ATP10A: variants seen among roughly 807,000 people sequenced by gnomAD.
ATP10A encodes phospholipid-transporting ATPase VA.
ATP10A carries 111 observed loss-of-function variants against 147.8 expected under a neutral mutation model. That is an observed-to-expected ratio of 0.75 (90% CI 0.64 to 0.88). The LOEUF (loss-of-function observed/expected upper bound fraction) is 0.88. ATP10A is among the 40% of genes least tolerant of loss of function. ATP10A has a pLI of 0.00. For synonymous variants in ATP10A, 875 were observed against 841.6 expected (o/e 1.04, Z -0.69); for missense variants, 1,927 against 1,959.0 (o/e 0.98, Z 0.31).
chr15:25,692,499 C>A (rs1900089818), intron 14 of ATP10A, among the ~76,000 whole-genome samples: 1 of 152,162 alleles, frequency 6.6e-6, no homozygotes, highest in African/African-American at 2.4e-5. Context: ...CCAAGTTGCA[C>A]AAATGAGAAA....
chr15:25,754,120 G>C (rs1405429345), intron 2 of ATP10A, among the ~76,000 whole-genome samples: 2 of 151,852 alleles, frequency 1.3e-5, no homozygotes, highest in Non-Finnish European at 2.9e-5. Flanking sequence ...TTTTTATTTT[G>C]TTTGTTTGTT....
At chr15:25,770,269 C>T (rs555641787) in intron 2 of ATP10A, among the ~76,000 whole-genome samples, 6 of 152,280 alleles carry the variant, frequency 3.9e-5, no homozygotes, top group Admixed American at 2.6e-4. Context: ...AGTTGGGGAT[C>T]GGCCCAGCCC....
intron 1 of ATP10A, among the ~76,000 whole-genome samples, chr15:25,786,656 C>T (rs1377786926): frequency 4.0e-5 from 5 of 123,496 alleles, no homozygotes; most frequent in Admixed American, 1.0e-4. Context: ...GGCGGAGTCT[C>T]GCTCCATCCC....
chr15:25,769,719 A>G (rs1321308386), intron 2 of ATP10A, among the ~76,000 whole-genome samples: 1 of 152,142 alleles, frequency 6.6e-6, no homozygotes, highest in Non-Finnish European at 1.5e-5. Flanking sequence ...TGAGGTGATC[A>G]GCATGGTGAT....
chr15:25,674,477 C>A (rs1451204886), downstream of ATP10A, among the ~76,000 whole-genome samples: 2 of 152,134 alleles, frequency 1.3e-5, no homozygotes, highest in African/African-American at 2.4e-5. Flanking sequence ...GGATCCCCTT[C>A]TTTGTTTTAT....
chr15:25,699,583 A>G (rs181141848), intron 13 of ATP10A, among the ~76,000 whole-genome samples: 96 of 152,298 alleles, frequency 6.3e-4, no homozygotes, highest in Middle Eastern at 3.4e-3. Context: ...AAAATGACCA[A>G]TCAGACCAGG....
At chr15:25,710,972 C>A (rs1203979484) in intron 10 of ATP10A, 1 of 152,152 alleles carries the variant, frequency 6.6e-6, no homozygotes, top group Non-Finnish European at 1.5e-5. Context: ...GTGGGGACTT[C>A]CCGTGAGAGG....
intron 1 of ATP10A, among the ~76,000 whole-genome samples, chr15:25,811,021 G>A (rs1891406175): frequency 1.3e-5 from 2 of 152,150 alleles, no homozygotes; most frequent in African/African-American, 2.4e-5. Context: ...GTTACATGGC[G>A]GGGTCTCCCC....
chr15:25,685,231 T>A (rs899077020), intron 16 of ATP10A, among the ~76,000 whole-genome samples: 3 of 152,206 alleles, frequency 2.0e-5, no homozygotes, highest in Non-Finnish European at 1.5e-5. Flanking sequence ...AATTTCTCAT[T>A]TCAGGAGGCA....
chr15:25,821,153 G>A (rs1022354554), intron 1 of ATP10A, among the ~76,000 whole-genome samples: 10 of 152,252 alleles, frequency 6.6e-5, no homozygotes, highest in South Asian at 6.2e-4. Context: ...CAATCCCAGC[G>A]TGCTTGGAAG....
chr15:25,705,183 G>A (rs752291804), intron 12 of ATP10A, among the ~76,000 whole-genome samples: 5 of 152,170 alleles, frequency 3.3e-5, no homozygotes, highest in Non-Finnish European at 7.4e-5. Context: ...GCACACGCCT[G>A]TAATCCCAGC....
chr15:25,784,287 C>G (rs752504620), intron 1 of ATP10A, among the ~76,000 whole-genome samples: 1 of 152,130 alleles, frequency 6.6e-6, no homozygotes, highest in Admixed American at 6.5e-5. Context: ...CCCAGGAGAC[C>G]GGGCAGTCCT....
intron 1 of ATP10A, among the ~76,000 whole-genome samples, chr15:25,848,579 CCA>C (rs1893139060): frequency 6.6e-6 from 1 of 152,014 alleles, no homozygotes; most frequent in South Asian, 2.1e-4. Flanking sequence ...TAGAGGCCGC[CCA>C]CACTCCTTGA....
chr15:25,705,851 G>A (rs898525807), intron 12 of ATP10A, among the ~76,000 whole-genome samples: 3 of 152,210 alleles, frequency 2.0e-5, no homozygotes, highest in African/African-American at 4.8e-5. Context: ...GTATCCATGA[G>A]CTCTGCCAGG....
intron 1 of ATP10A, chr15:25,862,261 G>A (rs1893794080): frequency 8.3e-6 from 4 of 481,330 alleles, no homozygotes; most frequent in Non-Finnish European, 1.6e-5. Flanking sequence ...ACTGTGCCTG[G>A]CCGAAGACTG....
chr15:25,840,171 CCTAA>C (rs1420460148), intron 1 of ATP10A, among the ~76,000 whole-genome samples: 2 of 152,150 alleles, frequency 1.3e-5, no homozygotes, highest in Non-Finnish European at 2.9e-5. Context: ...ATTAGGTTTT[CCTAA>C]CTTTTATTTT....
At chr15:25,746,294 C>T (rs1887841288) in intron 2 of ATP10A, among the ~76,000 whole-genome samples, 1 of 152,052 alleles carries the variant, frequency 6.6e-6, no homozygotes, top group Non-Finnish European at 1.5e-5. Context: ...AAAAGTTCAA[C>T]TCATTTGAAA....
chr15:25,732,480 C>G (rs550063948), intron 3 of ATP10A, among the ~76,000 whole-genome samples: 1 of 151,994 alleles, frequency 6.6e-6, no homozygotes, highest in Non-Finnish European at 1.5e-5. Flanking sequence ...CATTCCACAC[C>G]CCCAAACCCT....
rs533604220 is a variant in ATP10A at position 25,746,206 on chromosome 15, C to A, written c.655-10065G>T. 2.6e-5 allele frequency among the ~76,000 whole-genome samples: 4 copies of A among 152,030 alleles called. No homozygotes were observed. The East Asian group carries it at 7.7e-4, about 29-fold the overall frequency. ...CAAAGAGTAACAAAAAGAAAGCTAG[C>A]GTGCCTGTATTAATATTAGATAATA... On this transcript the variant is annotated intron_variant, in intron 2 of 20. Coordinates refer to ENST00000555815, the MANE Select transcript of ATP10A (RefSeq NM_024490.4).
Sources: gnomAD v4.1 joint callset for allele counts (sites outside exome capture counted in the v4.1 genomes callset) on GRCh38, gnomAD v4.1.1 for gene constraint, MANE v1.5 for transcripts, NCBI Gene and HGNC (gene_info 2026-07-23, HGNC 2026-07-21) for gene names.